The following NRP2 variants were observed in gnomAD, a reference collection of about 807,000 sequenced individuals.
NRP2 encodes the protein neuropilin-2.
Under a neutral mutation model 110.4 loss-of-function variants are expected in NRP2, and 52 were observed. The ratio of observed to expected loss-of-function variants is 0.47; its 90% CI spans 0.38 to 0.59. The LOEUF (loss-of-function observed/expected upper bound fraction) is 0.59. Among genes scored for constraint, NRP2 ranks in the 20% least tolerant of loss-of-function variants. NRP2 has a pLI of 0.00. For synonymous variants in NRP2, 508 were observed against 468.9 expected, an observed-to-expected ratio of 1.08 and a Z score of -1.08; for missense variants, 1,049 against 1,203.0, an observed-to-expected ratio of 0.87 and a Z score of 1.89.
chr2:205,726,644 C>G (rs958664067), intron 6 of NRP2, among the ~76,000 whole-genome samples: 1 of 152,196 alleles, frequency 6.6e-6, no homozygotes, highest in Non-Finnish European at 1.5e-5. Context: ...TCTGAATAAA[C>G]CTTGCAGCTC....
intron 7 of NRP2, among the ~76,000 whole-genome samples, chr2:205,731,813 A>G (rs1470026358): frequency 6.6e-6 from 1 of 152,194 alleles, no homozygotes; most frequent in Non-Finnish European, 1.5e-5. Context: ...GAATTACCCC[A>G]CCAGGAGTGG....
At chr2:205,724,963 A>G (rs768221593) in intron 5 of NRP2, among the ~76,000 whole-genome samples, 2 of 152,106 alleles carry the variant, frequency 1.3e-5, no homozygotes, top group Non-Finnish European at 2.9e-5. Context: ...CACCATGTCC[A>G]GCCCCACATA....
chr2:205,708,821 T>C (rs1004601420), intron 2 of NRP2, among the ~76,000 whole-genome samples: 8 of 152,106 alleles, frequency 5.3e-5, no homozygotes, highest in African/African-American at 1.9e-4. Flanking sequence ...AAGCTCAAAA[T>C]ATCAGCGATT....
At chr2:205,788,441 T>C (rs1248060816) in intron 15 of NRP2, among the ~76,000 whole-genome samples, 1 of 152,146 alleles carries the variant, frequency 6.6e-6, no homozygotes, top group Non-Finnish European at 1.5e-5. Flanking sequence ...GGTCTGACTC[T>C]CACATAGATA....
chr2:205,713,980 G>A (rs2056846450), intron 2 of NRP2, among the ~76,000 whole-genome samples: 3 of 152,078 alleles, frequency 2.0e-5, no homozygotes, highest in South Asian at 4.1e-4. Flanking sequence ...TTCCATTCCC[G>A]CTGATACTAC....
intron 16 of NRP2, among the ~76,000 whole-genome samples, chr2:205,792,758 G>A (rs1466407906): frequency 5.3e-5 from 8 of 152,114 alleles, no homozygotes; most frequent in East Asian, 3.9e-4. Context: ...GCAAGATTTC[G>A]GTTTCTTTTT....
chr2:205,747,246 A>G (rs954247984), intron 10 of NRP2, among the ~76,000 whole-genome samples: 2 of 152,216 alleles, frequency 1.3e-5, no homozygotes, highest in African/African-American at 2.4e-5. Context: ...GGTACAGTGT[A>G]TGGGTAAGTG....
chr2:205,723,446 A>T (rs1396017505), intron 4 of NRP2, among the ~76,000 whole-genome samples: 1 of 152,234 alleles, frequency 6.6e-6, no homozygotes, highest in Non-Finnish European at 1.5e-5. Context: ...ATTTCCTAGC[A>T]GTAAGAATAA....
intron 15 of NRP2, among the ~76,000 whole-genome samples, chr2:205,781,532 GT>G (rs1176973190): frequency 1.3e-5 from 2 of 152,246 alleles, no homozygotes; most frequent in African/African-American, 4.8e-5. Flanking sequence ...GGCCTCTGCA[GT>G]TGTTCTGCAC....
At chr2:205,724,010 G>T (rs1034039448) in intron 5 of NRP2, 70 bp downstream of exon 5, 6 of 1,567,328 alleles carry the variant, frequency 3.8e-6, no homozygotes, top group Non-Finnish European at 5.3e-6. Context: ...AGGTGAAGGG[G>T]GGCTGAGCTC....
intron 15 of NRP2, among the ~76,000 whole-genome samples, chr2:205,770,845 A>G (rs2058010824): frequency 6.6e-6 from 1 of 152,100 alleles, no homozygotes. Flanking sequence ...AGATGTGTGA[A>G]GCGGGTAACT....
At chr2:205,684,101 G>A (rs1054242689) in intron 1 of NRP2, among the ~76,000 whole-genome samples, 16 of 152,224 alleles carry the variant, frequency 1.1e-4, no homozygotes, top group African/African-American at 3.9e-4. Flanking sequence ...AGAAACTTTT[G>A]AGTGGAATTT....
chr2:205,691,154 GC>G (rs2056308611), intron 1 of NRP2, among the ~76,000 whole-genome samples: 1 of 152,200 alleles, frequency 6.6e-6, no homozygotes. Flanking sequence ...TGTAAGACTT[GC>G]CAAAGATGGA....
intron 5 of NRP2, among the ~76,000 whole-genome samples, chr2:205,724,181 G>A (rs2057079139): frequency 6.6e-6 from 1 of 152,142 alleles, no homozygotes. Flanking sequence ...ACAAGAATTA[G>A]TTATTTTCAG....
At chr2:205,754,897 G>C (rs1295385378) in intron 12 of NRP2, among the ~76,000 whole-genome samples, 1 of 152,108 alleles carries the variant, frequency 6.6e-6, no homozygotes, top group Non-Finnish European at 1.5e-5. Flanking sequence ...GGGGAGGTTG[G>C]CTGGCTCTTA....
chr2:205,740,910 C>A (rs748327440), intron 8 of NRP2, among the ~76,000 whole-genome samples: 1 of 152,208 alleles, frequency 6.6e-6, no homozygotes, highest in Non-Finnish European at 1.5e-5. Context: ...ATTCTAAGCA[C>A]CTAAGATGTA....
intron 1 of NRP2, among the ~76,000 whole-genome samples, chr2:205,690,772 T>A (rs1271073539): frequency 1.3e-5 from 2 of 152,056 alleles, no homozygotes; most frequent in Non-Finnish European, 2.9e-5. Flanking sequence ...AGAGTGAGAC[T>A]CTGTCTCAAA....
intron 10 of NRP2, among the ~76,000 whole-genome samples, chr2:205,749,017 G>A (rs957944841): frequency 6.6e-6 from 1 of 152,192 alleles, no homozygotes; most frequent in South Asian, 2.1e-4. Context: ...GTAGAGTCTG[G>A]AGATTTTACT....
At chr2:205,751,181 T>TG (rs1053150429) in intron 11 of NRP2, among the ~76,000 whole-genome samples, 13 of 152,164 alleles carry the variant, frequency 8.5e-5, no homozygotes, top group Admixed American at 3.3e-4. Flanking sequence ...GTTAGCTTGT[T>TG]GGGGGACCTG....
Sources: allele counts gnomAD v4.1 joint callset (sites outside exome capture counted in the v4.1 genomes callset), GRCh38; gene constraint gnomAD v4.1.1; transcripts MANE v1.5; gene names NCBI Gene and HGNC (gene_info 2026-07-23, HGNC 2026-07-21).